SNTB2: variants seen among roughly 807,000 people sequenced by gnomAD.
SNTB2 encodes beta-2-syntrophin.
SNTB2 carries 34 observed loss-of-function variants against 46.2 expected under a neutral mutation model. That is an observed-to-expected ratio of 0.74 (90% confidence interval 0.56 to 0.98). The LOEUF (loss-of-function observed/expected upper bound fraction) is 0.98. Ranked by LOEUF, SNTB2 falls within the 50% of genes least tolerant of loss-of-function variation. The pLI is 0.00. For synonymous variants in SNTB2, 290 were observed against 312.6 expected, an observed-to-expected ratio of 0.93 and a Z score of 0.76; for missense variants, 603 against 731.4, an observed-to-expected ratio of 0.82 and a Z score of 2.02.
Position 69,187,543 on chromosome 16 carries a change from T to C in SNTB2, c.377T>C (p.Leu126Pro). 2 of 1,422,526 alleles carry C rather than the reference T, an allele frequency of 1.4e-6. No individual in the cohort carries two copies. Among genetic ancestry groups the C allele is most frequent in the Non-Finnish European group, 1.9e-6 (2 of 1,079,400 alleles). The allele number at this position is 1,422,526 out of a possible 1,614,324, so 88.1% of individuals were successfully genotyped here. A position where few individuals can be genotyped will look rare whatever the true frequency, so the allele number is the denominator to read the frequency against. ...GTGGTGAAGCAAGAGGCGGGCGGCC[T>C]GGGCATCAGCATCAAGGGCGGCCGC... ...VRVVKQEAGGLGISIKGGREN... is the reference protein window; with the variant it reads ...VRVVKQEAGGPGISIKGGREN... Residue 126 changes from leucine to proline, a missense_variant, in exon 1 of 7, where the codon CTG becomes CCG. This residue lies in a region of SNTB2 where 537 missense variants were observed against 692.4 expected (regional missense o/e 0.78). Coordinates refer to ENST00000336278, the MANE Select transcript of SNTB2 (RefSeq NM_006750.4).
intron 4 of SNTB2, among the ~76,000 whole-genome samples, chr16:69,282,306 C>CAA (rs751287865): frequency 5.3e-5 from 6 of 113,084 alleles, no homozygotes; most frequent in Admixed American, 9.2e-5. Flanking sequence ...ACTAAAAATA[C>CAA]AAAAAAAAAA....
At chr16:69,214,671 C>G (rs143389670) in intron 1 of SNTB2, among the ~76,000 whole-genome samples, 1 of 149,854 alleles carries the variant, frequency 6.7e-6, no homozygotes, top group Non-Finnish European at 1.5e-5. Context: ...GGATTACAGG[C>G]GCCTGCCACC....
chr16:69,197,918 G>A (rs998675602), intron 1 of SNTB2, among the ~76,000 whole-genome samples: 40 of 151,958 alleles, frequency 2.6e-4, no homozygotes, highest in Non-Finnish European at 4.4e-5. Flanking sequence ...TACATTCTAG[G>A]ATAAAAATAC....
intron 1 of SNTB2, chr16:69,191,138 A>C (rs1304162274): frequency 6.6e-6 from 1 of 151,926 alleles, no homozygotes; most frequent in African/African-American, 2.4e-5. Context: ...GTCCGAGTGC[A>C]GTGGTGTTTA....
At chr16:69,207,116 A>G (rs926472506) in intron 1 of SNTB2, among the ~76,000 whole-genome samples, 1 of 150,888 alleles carries the variant, frequency 6.6e-6, no homozygotes, top group Non-Finnish European at 1.5e-5. Flanking sequence ...TAGAGGCTTT[A>G]AAGTATAGAT....
At chr16:69,234,664 C>A (rs1232058879) in intron 1 of SNTB2, among the ~76,000 whole-genome samples, 1 of 149,934 alleles carries the variant, frequency 6.7e-6, no homozygotes, top group African/African-American at 2.5e-5. Context: ...AACCAGAGTA[C>A]GGAGATGCAG....
At chr16:69,238,280 A>G (rs1964577396) in intron 1 of SNTB2, among the ~76,000 whole-genome samples, 1 of 152,098 alleles carries the variant, frequency 6.6e-6, no homozygotes, top group Non-Finnish European at 1.5e-5. Flanking sequence ...CTCCTCTCAC[A>G]TCGGTCTCTA....
chr16:69,259,507 T>C (rs1490934536), intron 2 of SNTB2, among the ~76,000 whole-genome samples: 2 of 151,890 alleles, frequency 1.3e-5, no homozygotes, highest in Admixed American at 6.6e-5. Context: ...AGTGCTGAGA[T>C]TACCGGAGTG....
intron 5 of SNTB2, among the ~76,000 whole-genome samples, chr16:69,292,366 A>ATAAAATATATATAT (rs1965169371): frequency 6.8e-5 from 2 of 29,230 alleles, no homozygotes; most frequent in African/African-American, 2.9e-4. Flanking sequence ...ATATATATAT[A>ATAAAATATATATAT]TATATATATA....
At chr16:69,299,842 C>A in intron 6 of SNTB2, 68 bp downstream of exon 6, 1 of 1,462,694 alleles carries the variant, frequency 6.8e-7, no homozygotes. Flanking sequence ...ACTTCTTACC[C>A]CTTATATACA....
At chr16:69,263,867 A>ATT (rs910168572) in intron 3 of SNTB2, among the ~76,000 whole-genome samples, 1 of 145,310 alleles carries the variant, frequency 6.9e-6, no homozygotes, top group African/African-American at 2.5e-5. Flanking sequence ...AATAAATGTA[A>ATT]TTTTTTTTTT....
At chr16:69,212,207 A>G (rs371063009) in intron 1 of SNTB2, among the ~76,000 whole-genome samples, 1 of 151,980 alleles carries the variant, frequency 6.6e-6, no homozygotes, top group East Asian at 1.9e-4. Flanking sequence ...GCTTATTTCT[A>G]GGTTATCTGC....
At chr16:69,259,178 GT>G (rs1353445580) in intron 2 of SNTB2, among the ~76,000 whole-genome samples, 1 of 150,166 alleles carries the variant, frequency 6.7e-6, no homozygotes, top group Non-Finnish European at 1.5e-5. Flanking sequence ...CCAGCAGTTG[GT>G]GTTTCTTTTT....
chr16:69,298,173 A>T (rs1339141802), intron 5 of SNTB2, among the ~76,000 whole-genome samples: 1 of 152,094 alleles, frequency 6.6e-6, no homozygotes, highest in Non-Finnish European at 1.5e-5. Context: ...CCTGGCCTCA[A>T]GTGATCCTCC....
At chr16:69,242,285 A>G (rs1376299716) in intron 1 of SNTB2, among the ~76,000 whole-genome samples, 1 of 151,992 alleles carries the variant, frequency 6.6e-6, no homozygotes, top group Non-Finnish European at 1.5e-5. Flanking sequence ...AGTTAGCCAG[A>G]TGTGTCGGTG....
At chr16:69,300,686 C>G (rs1244735709) in intron 6 of SNTB2, 146 bp from the exon 7 acceptor site, 1 of 614,280 alleles carries the variant, frequency 1.6e-6, no homozygotes, top group African/African-American at 1.8e-5. Flanking sequence ...CTCCATAGTG[C>G]ACTTTTGCCT....
At chr16:69,287,302 G>C (rs1965113286) in intron 5 of SNTB2, among the ~76,000 whole-genome samples, 1 of 152,106 alleles carries the variant, frequency 6.6e-6, no homozygotes, top group African/African-American at 2.4e-5. Context: ...GGACGCGGTG[G>C]CTCATGCCTG....
rs776664092 is a variant in SNTB2, at chr16:69,281,905, C to CTTT, written c.1149-2128_1149-2126dup. 7.3e-3 allele frequency among the ~76,000 whole-genome samples: 910 copies of CTTT among 125,288 alleles called. 13 individuals are homozygous for CTTT. Among genetic ancestry groups the CTTT allele is most frequent in the South Asian group, 0.013 (50 of 3,754 alleles). 82.2% of individuals were successfully genotyped at this position (125,288 alleles called of 152,430 possible). On this transcript the variant is annotated intron_variant, in intron 4 of 6. Coordinates refer to ENST00000336278, the MANE Select transcript of SNTB2 (RefSeq NM_006750.4). ...TCCATTGAATCACATTTGTTTCTCT[C>CTTT]TTTTTTTTTTTTTTTTTGAGAGGGA...
At chr16:69,216,082 C>A (rs1298918193) in intron 1 of SNTB2, among the ~76,000 whole-genome samples, 3 of 152,190 alleles carry the variant, frequency 2.0e-5, no homozygotes, top group Non-Finnish European at 4.4e-5. Flanking sequence ...TCACAAAATA[C>A]AGGGATTAAC....
Sources: allele counts gnomAD v4.1 joint callset (sites outside exome capture counted in the v4.1 genomes callset), GRCh38; gene constraint gnomAD v4.1.1; regional missense constraint gnomAD v4.1.1; transcripts MANE v1.5; gene names NCBI Gene and HGNC (gene_info 2026-07-23, HGNC 2026-07-21).